MBNL2: variants seen among roughly 807,000 people sequenced by gnomAD.
MBNL2 encodes muscleblind-like protein 2.
In MBNL2, 17 loss-of-function variants were observed where a neutral mutation model predicts 41.9. The ratio of observed to expected loss-of-function variants is 0.41; its 90% CI spans 0.28 to 0.61. MBNL2 has a LOEUF of 0.61. MBNL2 is among the 20% of genes least tolerant of loss of function. The pLI, the probability that MBNL2 is intolerant of heterozygous loss-of-function variation, is 0.35. For missense variants in MBNL2, 336 were observed against 505.6 expected (o/e 0.66, Z 3.22); for synonymous variants, 195 against 182.9 (o/e 1.07, Z -0.53).
chr13:97,371,285 A>G (rs1280338050), intron 8 of MBNL2, among the ~76,000 whole-genome samples: 1 of 152,192 alleles, frequency 6.6e-6, no homozygotes, highest in African/African-American at 2.4e-5. Flanking sequence ...CAATTAAAAT[A>G]CAATTTATAC....
At chr13:97,296,582 T>G (rs1294780151) in intron 2 of MBNL2, among the ~76,000 whole-genome samples, 1 of 152,182 alleles carries the variant, frequency 6.6e-6, no homozygotes, top group Non-Finnish European at 1.5e-5. Flanking sequence ...TCATGGCCCT[T>G]CAGTGAATCA....
intron 5 of MBNL2, among the ~76,000 whole-genome samples, chr13:97,349,661 G>A (rs2062245742): frequency 6.6e-6 from 1 of 152,164 alleles, no homozygotes; most frequent in Non-Finnish European, 1.5e-5. Flanking sequence ...CCGAGGAGCT[G>A]GGACCACAGG....
intron 5 of MBNL2, among the ~76,000 whole-genome samples, chr13:97,348,759 C>T (rs1473904270): frequency 5.3e-5 from 8 of 152,304 alleles, no homozygotes. Context: ...TTTGAAAACA[C>T]TTTGTTCTAG....
chr13:97,349,398 G>A (rs960578326), intron 5 of MBNL2, among the ~76,000 whole-genome samples: 2 of 152,158 alleles, frequency 1.3e-5, no homozygotes, highest in Non-Finnish European at 2.9e-5. Flanking sequence ...TCAACCTGGT[G>A]AGGATCTCAT....
intron 4 of MBNL2, among the ~76,000 whole-genome samples, chr13:97,343,809 G>GT (rs1247346016): frequency 6.6e-6 from 1 of 152,214 alleles, no homozygotes; most frequent in Non-Finnish European, 1.5e-5. Context: ...TTTTTGTTTT[G>GT]TTTGGTTTGG....
the MBNL2 span, among the ~76,000 whole-genome samples, chr13:97,185,021 A>G: frequency 1.3e-5 from 2 of 152,094 alleles, no homozygotes; most frequent in African/African-American, 2.4e-5. Context: ...CTTTTGGGCT[A>G]TTTTCATATT....
intron 1 of MBNL2, among the ~76,000 whole-genome samples, chr13:97,258,189 A>T (rs116491558): frequency 0.011 from 1,669 of 152,158 alleles, 26 homozygotes; most frequent in African/African-American, 0.038. Context: ...ATTTTTACAG[A>T]AGATATGCTT....
upstream of MBNL2, chr13:97,221,490 C>T (rs1376082396): frequency 6.6e-6 from 1 of 152,108 alleles, no homozygotes; most frequent in African/African-American, 2.4e-5. Context: ...TCATGGGGGC[C>T]CTTGGATCAT....
chr13:97,318,396 T>C (rs2059230250), intron 2 of MBNL2, among the ~76,000 whole-genome samples: 1 of 152,194 alleles, frequency 6.6e-6, no homozygotes, highest in Non-Finnish European at 1.5e-5. Context: ...ATTCATCTCC[T>C]CAGGCCTCAG....
chr13:97,306,181 TAGG>T (rs2058104045), intron 2 of MBNL2, among the ~76,000 whole-genome samples: 2 of 152,250 alleles, frequency 1.3e-5, no homozygotes, highest in African/African-American at 2.4e-5. Context: ...CCTAACTTAA[TAGG>T]AGATTTCAGA....
At chr13:97,273,114 C>T (rs1052147121) in intron 1 of MBNL2, among the ~76,000 whole-genome samples, 1 of 152,176 alleles carries the variant, frequency 6.6e-6, no homozygotes, top group South Asian at 2.1e-4. Context: ...TCTTTCTTTT[C>T]CTCCATGGGA....
chr13:97,155,508 C>T, the MBNL2 span, among the ~76,000 whole-genome samples: 2 of 150,516 alleles, frequency 1.3e-5, no homozygotes, highest in East Asian at 4.0e-4. Context: ...AACTCGTCAT[C>T]TAGCATTAGG....
At chr13:97,352,700 A>G (rs2153098998) in intron 5 of MBNL2, among the ~76,000 whole-genome samples, 1 of 152,368 alleles carries the variant, frequency 6.6e-6, no homozygotes, top group African/African-American at 2.4e-5. Flanking sequence ...GACTCAACAT[A>G]GGGTTGCCAC....
chr13:97,274,022 C>T (rs1240229782), intron 1 of MBNL2, among the ~76,000 whole-genome samples: 2 of 152,008 alleles, frequency 1.3e-5, no homozygotes, highest in Non-Finnish European at 2.9e-5. Flanking sequence ...GATCACACCA[C>T]TGCACTCCAG....
chr13:97,271,719 A>T lies in MBNL2; in HGVS notation c.-604-3913A>T, dbSNP rs141806708. Among the ~76,000 whole-genome samples, 343 of 152,266 alleles carry T rather than the reference A, an allele frequency of 2.3e-3. 3 individuals carry two copies. Among genetic ancestry groups the T allele is most frequent in the Non-Finnish European group, 2.0e-3 (138 of 68,030 alleles). On this transcript the variant is annotated intron_variant, in intron 1 of 8. Coordinates refer to ENST00000679496, the MANE Select transcript of MBNL2 (RefSeq NM_001382683.1). ...TTCCTGTGTTAGTTTAATGAGGATG[A>T]TAGCTTCCAGCTTTATCCATGTCCC...
intron 5 of MBNL2, among the ~76,000 whole-genome samples, chr13:97,356,207 A>G (rs1007674316): frequency 5.9e-5 from 9 of 151,988 alleles, no homozygotes; most frequent in Middle Eastern, 3.2e-3. Context: ...CAAACCCAAC[A>G]GTTTCGCCTA....
At chr13:97,248,522 C>T (rs1406722727) in intron 1 of MBNL2, among the ~76,000 whole-genome samples, 1 of 152,180 alleles carries the variant, frequency 6.6e-6, no homozygotes, top group East Asian at 1.9e-4. Context: ...GATTATAAGT[C>T]CCTGATACCA....
At chr13:97,176,815 A>T in the MBNL2 span, among the ~76,000 whole-genome samples, 1 of 152,174 alleles carries the variant, frequency 6.6e-6, no homozygotes, top group Non-Finnish European at 1.5e-5. Context: ...ACTTTGTAGG[A>T]GAATTCCCCT....
intron 5 of MBNL2, among the ~76,000 whole-genome samples, chr13:97,349,534 T>A (rs900778039): frequency 1.3e-5 from 2 of 152,174 alleles, no homozygotes; most frequent in Non-Finnish European, 2.9e-5. Flanking sequence ...TTTATTTATT[T>A]GTTTTTTGAG....
Sources: gnomAD v4.1 joint callset for allele counts (sites outside exome capture counted in the v4.1 genomes callset) on GRCh38, gnomAD v4.1.1 for gene constraint, MANE v1.5 for transcripts, NCBI Gene and HGNC (gene_info 2026-07-23, HGNC 2026-07-21) for gene names.